Variants in EYS observed in about 807,000 individuals in gnomAD.
EYS encodes EGF-like photoreceptor maintenance factor, also known as protein eyes shut homolog.
EYS carries 250 observed loss-of-function variants against 282.1 expected under a neutral mutation model. The observed-to-expected ratio is 0.89, with a 90% CI of 0.80 to 0.98. The LOEUF (loss-of-function observed/expected upper bound fraction) is 0.98. Among genes scored for constraint, EYS ranks in the 50% least tolerant of loss-of-function variants. The probability of loss-of-function intolerance (pLI) is 0.00; values close to 1 mark genes in which losing one functional copy is unlikely to be tolerated. For synonymous variants in EYS, 1,355 were observed against 1,282.9 expected (o/e 1.06, Z -1.20); for missense variants, 4,016 against 3,709.0 (o/e 1.08, Z -2.15).
At chr6:63,909,920 T>C (rs1035401399) in intron 35 of EYS, among the ~76,000 whole-genome samples, 3 of 152,086 alleles carry the variant, frequency 2.0e-5, no homozygotes, top group Non-Finnish European at 4.4e-5. Flanking sequence ...GTGTATTGAT[T>C]TGGAAGTCAA....
At chr6:64,730,354 T>A (rs1242856222) in intron 22 of EYS, among the ~76,000 whole-genome samples, 1 of 152,218 alleles carries the variant, frequency 6.6e-6, no homozygotes, top group Non-Finnish European at 1.5e-5. Flanking sequence ...CACCTAGATA[T>A]GTTGAAATGA....
chr6:64,394,271 G>GA (rs1200044217), intron 28 of EYS, among the ~76,000 whole-genome samples: 2 of 151,988 alleles, frequency 1.3e-5, no homozygotes, highest in Admixed American at 1.3e-4. Flanking sequence ...CACAGAATTG[G>GA]AAAAAACTAC....
Position 65,351,862 on chromosome 6 carries a change from A to G in EYS, c.1459+1596T>C, listed in dbSNP as rs559929881. 1.1e-4 allele frequency among the ~76,000 whole-genome samples: 17 copies of G among 151,890 alleles called. 1 individual carries two copies. In the South Asian group the frequency reaches 3.5e-3, roughly 31 times the overall value. ...GAGTTCACCATTAGTATGTTTCAAG[A>G]GCTCCTTCAGATGATTCTAATATGT... On this transcript the variant is annotated intron_variant, in intron 9 of 42. Coordinates refer to ENST00000503581, the MANE Select transcript of EYS (RefSeq NM_001142800.2).
chr6:64,250,929 C>A (rs1293275631), intron 30 of EYS, among the ~76,000 whole-genome samples: 1 of 152,072 alleles, frequency 6.6e-6, no homozygotes, highest in East Asian at 1.9e-4. Flanking sequence ...ATAGTTTAGT[C>A]TTTTCTACAA....
intron 30 of EYS, among the ~76,000 whole-genome samples, chr6:64,238,204 C>G (rs1766676075): frequency 6.6e-6 from 1 of 152,046 alleles, no homozygotes; most frequent in Non-Finnish European, 1.5e-5. Context: ...AAATAGGATT[C>G]CTTAGATTAC....
intron 12 of EYS, among the ~76,000 whole-genome samples, chr6:65,134,991 C>T (rs1234908635): frequency 1.3e-5 from 2 of 151,860 alleles, no homozygotes; most frequent in Admixed American, 1.3e-4. Context: ...AGTTTGGAAA[C>T]TGATATATAT....
At chr6:65,017,315 G>C (rs1290456243) in intron 13 of EYS, among the ~76,000 whole-genome samples, 1 of 152,156 alleles carries the variant, frequency 6.6e-6, no homozygotes, top group African/African-American at 2.4e-5. Context: ...TTTCCAGGTT[G>C]AATGCAAACA....
chr6:65,565,517 A>C (rs981609590), intron 2 of EYS, among the ~76,000 whole-genome samples: 7 of 152,080 alleles, frequency 4.6e-5, no homozygotes, highest in African/African-American at 1.7e-4. Flanking sequence ...AAATTAGTGC[A>C]ACCATTGTGG....
At chr6:64,548,767 A>C (rs909300119) in intron 26 of EYS, among the ~76,000 whole-genome samples, 2 of 152,206 alleles carry the variant, frequency 1.3e-5, no homozygotes, top group African/African-American at 4.8e-5. Flanking sequence ...AACATGGCAC[A>C]TGTATACATA....
chr6:64,029,166 C>T (rs1167912389), intron 33 of EYS, among the ~76,000 whole-genome samples: 2 of 152,158 alleles, frequency 1.3e-5, no homozygotes, highest in Non-Finnish European at 2.9e-5. Flanking sequence ...AGTACAAGCT[C>T]CAGGTTTAAG....
intron 36 of EYS, among the ~76,000 whole-genome samples, chr6:63,829,616 T>C (rs1265140612): frequency 6.6e-6 from 1 of 152,218 alleles, no homozygotes; most frequent in African/African-American, 2.4e-5. Context: ...TGCCTGCCTC[T>C]GTAGACTCCA....
chr6:63,954,739 A>G (rs1388646985), intron 35 of EYS, among the ~76,000 whole-genome samples: 4 of 152,110 alleles, frequency 2.6e-5, no homozygotes, highest in African/African-American at 9.7e-5. Context: ...CCACCTATCA[A>G]TCTCTTCCCA....
At chr6:64,005,984 A>AGTT (rs1304393233) in intron 33 of EYS, among the ~76,000 whole-genome samples, 1 of 152,124 alleles carries the variant, frequency 6.6e-6, no homozygotes, top group Non-Finnish European at 1.5e-5. Flanking sequence ...ATTTTAAAAT[A>AGTT]GTTTTTTCTA....
chr6:64,105,747 C>T (rs997284870), intron 31 of EYS, among the ~76,000 whole-genome samples: 1 of 152,070 alleles, frequency 6.6e-6, no homozygotes, highest in African/African-American at 2.4e-5. Flanking sequence ...CCTCCATGTT[C>T]TTTCATGACA....
chr6:65,278,183 C>T (rs1768108558), intron 12 of EYS, among the ~76,000 whole-genome samples: 1 of 148,866 alleles, frequency 6.7e-6, no homozygotes, highest in Admixed American at 6.8e-5. Context: ...AGTGTTATGG[C>T]ATTGGCTCTT....
intron 8 of EYS, among the ~76,000 whole-genome samples, chr6:65,362,638 A>T (rs571155838): frequency 2.0e-5 from 3 of 151,876 alleles, no homozygotes; most frequent in Admixed American, 1.3e-4. Context: ...ATGCATGTGT[A>T]TATATGTAAT....
chr6:64,295,203 T>C lies in EYS; in HGVS notation c.6191+11767A>G, dbSNP rs908249931. 4.4e-4 allele frequency among the ~76,000 whole-genome samples: 66 copies of C among 149,462 alleles called. No individual in the cohort carries two copies. In the Admixed American group the frequency reaches 4.4e-3, roughly 10 times the overall value. ...TCCTGGCTAACATGGTGAAACCCCGTCTCTACTAAAAATATTTAAAAAATT... is the reference window on the plus strand; with the variant it reads ...TCCTGGCTAACATGGTGAAACCCCGCCTCTACTAAAAATATTTAAAAAATT... On this transcript the variant is annotated intron_variant, in intron 30 of 42. Transcript: ENST00000503581.
intron 24 of EYS, among the ~76,000 whole-genome samples, chr6:64,613,032 A>C (rs184943264): frequency 1.1e-3 from 161 of 152,238 alleles, no homozygotes; most frequent in African/African-American, 3.8e-3. Flanking sequence ...TTTCATGTTC[A>C]ATTAAAAATT....
Position 65,463,061 on chromosome 6 carries a change from A to G in EYS, c.862+27533T>C, listed in dbSNP as rs979612770. On this transcript the variant is annotated intron_variant, in intron 5 of 42. Transcript: ENST00000503581. ...ATCTCTGCCGTATTTCCCTCTCACC[A>G]CAGCAGTCAGAATGACTGTTTCCAA... is the stretch of plus-strand genomic sequence containing the variant. Among the ~76,000 whole-genome samples the G allele has an allele frequency of 3.3e-5, 5 of 151,970 alleles. No individual in the cohort carries two copies. The East Asian group carries it at 7.7e-4, about 24-fold the overall frequency.
Sources: gnomAD v4.1 joint callset for allele counts (sites outside exome capture counted in the v4.1 genomes callset) on GRCh38, gnomAD v4.1.1 for gene constraint, MANE v1.5 for transcripts, NCBI Gene and HGNC (gene_info 2026-07-23, HGNC 2026-07-21) for gene names.